Variants in IQCJ observed in about 807,000 individuals in gnomAD.
IQCJ encodes the protein IQ motif containing J, also known as IQ domain-containing protein J.
Under a neutral mutation model 11.0 loss-of-function variants are expected in IQCJ, and 9 were observed. The ratio of observed to expected loss-of-function variants is 0.82; its 90% CI spans 0.49 to 1.43. The LOEUF is 1.43. Among genes scored for constraint, IQCJ ranks in the 40% most tolerant of loss-of-function variants. The pLI, the probability that IQCJ is intolerant of heterozygous loss-of-function variation, is 0.00. For synonymous variants in IQCJ, 55 were observed against 51.3 expected (o/e 1.07, Z -0.31); for missense variants, 146 against 133.2 (o/e 1.10, Z -0.47).
At chr3:159,081,632 C>A (rs1423093555) in intron 1 of IQCJ, among the ~76,000 whole-genome samples, 3 of 152,080 alleles carry the variant, frequency 2.0e-5, no homozygotes, top group Non-Finnish European at 4.4e-5. Flanking sequence ...CTTCCCATTT[C>A]CATCACCTTC....
At chr3:159,264,361 A>G (rs1394580717), downstream of IQCJ, among the ~76,000 whole-genome samples, 1 of 152,214 alleles carries the variant, frequency 6.6e-6, no homozygotes, top group Non-Finnish European at 1.5e-5. Flanking sequence ...CCTGTTCATG[A>G]GTCATCAACT....
At chr3:159,125,180 G>C (rs150853748) in intron 1 of IQCJ, among the ~76,000 whole-genome samples, 1 of 152,164 alleles carries the variant, frequency 6.6e-6, no homozygotes, top group South Asian at 2.1e-4. Flanking sequence ...GATGAAAATG[G>C]TGTGTTACCT....
chr3:159,091,269 T>C (rs1218302074), intron 1 of IQCJ, among the ~76,000 whole-genome samples: 4 of 151,818 alleles, frequency 2.6e-5, no homozygotes, highest in Non-Finnish European at 5.9e-5. Context: ...GGGTGCCGTA[T>C]TAACAACAAA....
intron 1 of IQCJ, among the ~76,000 whole-genome samples, chr3:159,243,178 G>A: frequency 6.6e-6 from 1 of 152,166 alleles, no homozygotes; most frequent in East Asian, 1.9e-4. Context: ...TTAGAAAACT[G>A]TGGAAGTTTC....
chr3:159,086,860 C>A (rs1345289538), intron 1 of IQCJ, among the ~76,000 whole-genome samples: 2 of 152,252 alleles, frequency 1.3e-5, no homozygotes, highest in South Asian at 4.1e-4. Context: ...ATGTCATCTG[C>A]AAACAGGGAC....
At chr3:159,167,617 T>A (rs1295246903) in intron 1 of IQCJ, among the ~76,000 whole-genome samples, 9 of 152,206 alleles carry the variant, frequency 5.9e-5, no homozygotes, top group Non-Finnish European at 1.2e-4. Context: ...GTTTTGAAGA[T>A]GGAAGAAAGT....
At chr3:159,157,077 A>T (rs1471253089) in intron 1 of IQCJ, among the ~76,000 whole-genome samples, 1 of 152,158 alleles carries the variant, frequency 6.6e-6, no homozygotes, top group African/African-American at 2.4e-5. Flanking sequence ...TACCTTCTTA[A>T]TTGTGTTTTT....
At position 159,198,244 on chromosome 3, in the gene IQCJ, T is replaced by G. The variant is rs1339328181; in HGVS notation, c.10-47599T>G. Among the ~76,000 whole-genome samples, 5 of 152,158 alleles carry G rather than the reference T, an allele frequency of 3.3e-5. No individual in the cohort carries two copies. In the East Asian group the frequency reaches 7.7e-4, roughly 23 times the overall value. Reference sequence around the variant, plus strand: ...GAAAAGCATGTGTACTATGCTTTTTTCTGTACCACCATTTCCTTGCAGAGG... The same window carrying G: ...GAAAAGCATGTGTACTATGCTTTTTGCTGTACCACCATTTCCTTGCAGAGG... On this transcript the variant is annotated intron_variant, in intron 1 of 3. Transcript: ENST00000397832.
chr3:159,212,464 A>C (rs1725007988), intron 1 of IQCJ, among the ~76,000 whole-genome samples: 2 of 152,238 alleles, frequency 1.3e-5, no homozygotes, highest in Non-Finnish European at 2.9e-5. Context: ...GTATTACATA[A>C]ATGTTAGCAA....
At chr3:159,069,844 TGTGTGTGTG>T (rs1374895081) in intron 1 of IQCJ, 1 of 26,032 alleles carries the variant, frequency 3.8e-5, no homozygotes. Flanking sequence ...CCTCCTTTCT[TGTGTGTGTG>T]TGTGTGTGTG....
At chr3:159,101,415 A>G (rs1717909776) in intron 1 of IQCJ, among the ~76,000 whole-genome samples, 1 of 151,238 alleles carries the variant, frequency 6.6e-6, no homozygotes, top group African/African-American at 2.4e-5. Context: ...TTTAAATGGA[A>G]TCAAGCATAA....
At chr3:159,216,655 A>T (rs1226014864) in intron 1 of IQCJ, among the ~76,000 whole-genome samples, 1 of 152,120 alleles carries the variant, frequency 6.6e-6, no homozygotes, top group East Asian at 1.9e-4. Context: ...ATTTTTCTGT[A>T]ACCTGTGACT....
At chr3:159,157,180 G>A (rs1454713826) in intron 1 of IQCJ, among the ~76,000 whole-genome samples, 2 of 152,184 alleles carry the variant, frequency 1.3e-5, no homozygotes, top group Non-Finnish European at 2.9e-5. Flanking sequence ...GAAAAAATAA[G>A]GGAGAAGGGT....
At chr3:159,105,666 C>T (rs923301944) in intron 1 of IQCJ, among the ~76,000 whole-genome samples, 1 of 152,052 alleles carries the variant, frequency 6.6e-6, no homozygotes, top group Non-Finnish European at 1.5e-5. Flanking sequence ...AAATCCAAGG[C>T]AAGAGTGATC....
intron 1 of IQCJ, among the ~76,000 whole-genome samples, chr3:159,236,008 G>A (rs917762893): frequency 9.9e-5 from 15 of 152,200 alleles, no homozygotes; most frequent in African/African-American, 3.4e-4. Context: ...TCTGAATCTC[G>A]TTGGACATTC....
At chr3:159,083,113 A>G (rs1051849741) in intron 1 of IQCJ, among the ~76,000 whole-genome samples, 3 of 152,134 alleles carry the variant, frequency 2.0e-5, no homozygotes, top group Non-Finnish European at 4.4e-5. Flanking sequence ...GTCAAATTGG[A>G]CATTATCAAC....
chr3:159,086,960 T>C (rs1716824502), intron 1 of IQCJ, among the ~76,000 whole-genome samples: 1 of 152,192 alleles, frequency 6.6e-6, no homozygotes, highest in African/African-American at 2.4e-5. Context: ...CTATGTTGAA[T>C]AGGAGTGGTG....
intron 1 of IQCJ, among the ~76,000 whole-genome samples, chr3:159,074,239 C>A (rs1054823064): frequency 5.3e-5 from 8 of 151,692 alleles, no homozygotes; most frequent in African/African-American, 1.9e-4. Context: ...TCAGGGAGAC[C>A]AGTAAGAAGG....
intron 2 of IQCJ, among the ~76,000 whole-genome samples, chr3:159,252,196 AAG>A (rs1727642001): frequency 6.6e-6 from 1 of 152,186 alleles, no homozygotes; most frequent in Non-Finnish European, 1.5e-5. Context: ...TTGTAGCACT[AAG>A]AGTGCTATAA....
Sources: gnomAD v4.1 joint callset for allele counts (sites outside exome capture counted in the v4.1 genomes callset) on GRCh38, gnomAD v4.1.1 for gene constraint, MANE v1.5 for transcripts, NCBI Gene and HGNC (gene_info 2026-07-23, HGNC 2026-07-21) for gene names.